Variants in CLNK observed in about 807,000 individuals in gnomAD.
CLNK encodes cytokine dependent hematopoietic cell linker, also known as cytokine-dependent hematopoietic cell linker.
In CLNK, 74 loss-of-function variants were observed where a neutral mutation model predicts 68.6. The observed-to-expected ratio is 1.08, with a 90% CI of 0.89 to 1.31. CLNK has a LOEUF of 1.31. Among genes scored for constraint, CLNK ranks in the 50% most tolerant of loss-of-function variants. The pLI, the probability that CLNK is intolerant of heterozygous loss-of-function variation, is 0.00. For synonymous variants in CLNK, 198 were observed against 172.2 expected (o/e 1.15, Z -1.17); for missense variants, 553 against 515.3 (o/e 1.07, Z -0.71).
At chr4:10,699,512 A>ATATATATATTTTTTT in the CLNK span, among the ~76,000 whole-genome samples, 7 of 32,746 alleles carry the variant, frequency 2.1e-4, no homozygotes, top group Admixed American at 4.8e-4. Context: ...ATATATATAT[A>ATATATATATTTTTTT]TTTTTTTTTT....
intron 2 of CLNK, among the ~76,000 whole-genome samples, chr4:10,605,131 T>C (rs1339436586): frequency 6.6e-6 from 1 of 152,180 alleles, no homozygotes; most frequent in Non-Finnish European, 1.5e-5. Context: ...CAACATCAAC[T>C]CTTACCCGGA....
Position 10,683,194 on chromosome 4 carries a change from C to T in CLNK, c.-43+1474G>A, listed in dbSNP as rs377714956. Reference sequence around the variant, plus strand: ...CTGGTCCAAGTGGCAGAGTCAGGATCCTCACCATTTTGATCAGGCGTCAAA... The same window carrying T: ...CTGGTCCAAGTGGCAGAGTCAGGATTCTCACCATTTTGATCAGGCGTCAAA... On this transcript the variant is annotated intron_variant, in intron 1 of 18. Coordinates refer to ENST00000226951, the MANE Select transcript of CLNK (RefSeq NM_052964.4). Among the ~76,000 whole-genome samples the T allele has an allele frequency of 3.4e-4, 52 of 152,262 alleles. 1 individual carries two copies. The South Asian group carries it at 9.8e-3, about 29-fold the overall frequency.
intron 2 of CLNK, among the ~76,000 whole-genome samples, chr4:10,653,897 A>G (rs917767756): frequency 3.3e-5 from 5 of 152,238 alleles, no homozygotes; most frequent in Non-Finnish European, 7.3e-5. Flanking sequence ...AAAAATATCT[A>G]GCAACAAAAA....
intron 2 of CLNK, among the ~76,000 whole-genome samples, chr4:10,631,705 G>T (rs1171070775): frequency 6.6e-6 from 1 of 152,210 alleles, no homozygotes; most frequent in Non-Finnish European, 1.5e-5. Context: ...GAGAGAAAGG[G>T]AAACGAACAA....
the CLNK span, among the ~76,000 whole-genome samples, chr4:10,730,381 G>A: frequency 2.0e-5 from 3 of 152,100 alleles, no homozygotes; most frequent in Admixed American, 2.0e-4. Context: ...CGTACTGATT[G>A]TGCTCCCTCC....
At chr4:10,653,765 T>A (rs1723848459) in intron 2 of CLNK, among the ~76,000 whole-genome samples, 2 of 152,152 alleles carry the variant, frequency 1.3e-5, no homozygotes, top group South Asian at 4.1e-4. Flanking sequence ...TTTGGCAAGC[T>A]TAATCAGGAA....
At chr4:10,679,341 C>T (rs1725001817) in intron 1 of CLNK, among the ~76,000 whole-genome samples, 1 of 152,310 alleles carries the variant, frequency 6.6e-6, no homozygotes, top group South Asian at 2.1e-4. Context: ...GGATCCCTTC[C>T]TTACACCTTA....
intron 5 of CLNK, among the ~76,000 whole-genome samples, chr4:10,567,460 T>C (rs1440978639): frequency 6.6e-6 from 1 of 152,206 alleles, no homozygotes; most frequent in Non-Finnish European, 1.5e-5. Context: ...TGAATATAAA[T>C]TTAACAGCTA....
chr4:10,651,039 G>A (rs980263088), intron 2 of CLNK, among the ~76,000 whole-genome samples: 8 of 152,154 alleles, frequency 5.3e-5, no homozygotes, highest in African/African-American at 1.9e-4. Flanking sequence ...TCATTAAAAA[G>A]TCAGGAAAGA....
chr4:10,496,877 A>G (rs2079262459), intron 18 of CLNK, among the ~76,000 whole-genome samples: 1 of 152,196 alleles, frequency 6.6e-6, no homozygotes, highest in South Asian at 2.1e-4. Flanking sequence ...AAACCGCAGA[A>G]AATTCTTTAA....
intron 5 of CLNK, among the ~76,000 whole-genome samples, chr4:10,568,927 T>C (rs1477546540): frequency 1.3e-5 from 2 of 152,174 alleles, no homozygotes. Flanking sequence ...CAAATGCAAT[T>C]ATTTGGGTCT....
At chr4:10,647,493 G>T (rs1723556075) in intron 2 of CLNK, among the ~76,000 whole-genome samples, 1 of 152,178 alleles carries the variant, frequency 6.6e-6, no homozygotes, top group African/African-American at 2.4e-5. Flanking sequence ...TTCCAGTGAA[G>T]AACAAGAAGG....
intron 2 of CLNK, among the ~76,000 whole-genome samples, chr4:10,639,097 A>G (rs1236956994): frequency 6.6e-6 from 1 of 152,194 alleles, no homozygotes; most frequent in Non-Finnish European, 1.5e-5. Context: ...ACCCCAAATC[A>G]TTGTACTGAA....
At chr4:10,699,512 A>ATATATATATATTTTTTTTT in the CLNK span, among the ~76,000 whole-genome samples, 3 of 32,758 alleles carry the variant, frequency 9.2e-5, no homozygotes, top group East Asian at 9.1e-4. Flanking sequence ...ATATATATAT[A>ATATATATATATTTTTTTTT]TTTTTTTTTT....
intron 1 of CLNK, among the ~76,000 whole-genome samples, chr4:10,674,292 G>A (rs1382818940): frequency 6.6e-6 from 1 of 152,172 alleles, no homozygotes; most frequent in African/African-American, 2.4e-5. Context: ...AGGAGAGGCT[G>A]CCTGTTTTCA....
At chr4:10,596,296 A>G (rs1721383485) in intron 3 of CLNK, among the ~76,000 whole-genome samples, 1 of 152,200 alleles carries the variant, frequency 6.6e-6, no homozygotes, top group Non-Finnish European at 1.5e-5. Context: ...AAGTGCTGGG[A>G]TTACAGGCAT....
At chr4:10,563,901 C>T (rs564239626) in intron 7 of CLNK, among the ~76,000 whole-genome samples, 1 of 151,576 alleles carries the variant, frequency 6.6e-6, no homozygotes, top group South Asian at 2.1e-4. Context: ...AGCAAAACTC[C>T]ATCTCAAAAA....
chr4:10,564,701 C>T lies in CLNK; in HGVS notation c.369G>A (p.Pro123=), dbSNP rs371161636. 3.8e-5 allele frequency: 62 copies of T among 1,613,210 alleles called. No homozygotes were observed. The highest frequency in any genetic ancestry group is 8.9e-5 in the East Asian group (4 of 44,898). ...DTRTSISIGQ[P]TWNTQTRLER... is the part of the protein sequence containing the mutation. Reference sequence around the variant, plus strand: ...CCAACCTCGTCTGTGTGTTCCAGGTCGGCTGTCCAATGGAGATAGAGGTCC... The same window carrying T: ...CCAACCTCGTCTGTGTGTTCCAGGTTGGCTGTCCAATGGAGATAGAGGTCC... The change falls in exon 7 of 19, where the codon CCG becomes CCA. Residue 123 remains proline, a synonymous_variant. Transcript: ENST00000226951.
intron 7 of CLNK, among the ~76,000 whole-genome samples, chr4:10,560,758 C>T (rs1719854381): frequency 6.6e-6 from 1 of 152,174 alleles, no homozygotes. Context: ...ATCCATTTCA[C>T]AGATAGTTTA....
Sources: allele counts gnomAD v4.1 joint callset (sites outside exome capture counted in the v4.1 genomes callset), GRCh38; gene constraint gnomAD v4.1.1; transcripts MANE v1.5; gene names NCBI Gene and HGNC (gene_info 2026-07-23, HGNC 2026-07-21).